The following RBFOX1 variants were observed in gnomAD, a reference collection of about 807,000 sequenced individuals.
RBFOX1 encodes the protein RNA binding protein fox-1 homolog 1.
In RBFOX1, 8 loss-of-function variants were observed where a neutral mutation model predicts 57.7. The ratio of observed to expected loss-of-function variants is 0.14; its 90% CI spans 0.08 to 0.25. The LOEUF is 0.25. Among genes scored for constraint, RBFOX1 ranks in the 10% least tolerant of loss-of-function variants. The probability of loss-of-function intolerance (pLI) is 1.00; values close to 1 mark genes in which losing one functional copy is unlikely to be tolerated. For missense variants in RBFOX1, 611 were observed against 548.5 expected, an observed-to-expected ratio of 1.11 and a Z score of -1.14; for synonymous variants, 326 against 222.4, an observed-to-expected ratio of 1.47 and a Z score of -4.15.
chr16:6,826,550 G>C (rs1038693366), intron 3 of RBFOX1, among the ~76,000 whole-genome samples: 1 of 151,944 alleles, frequency 6.6e-6, no homozygotes, highest in Non-Finnish European at 1.5e-5. Context: ...CCGGGCATAC[G>C]TGCTTGCGGG....
At chr16:7,527,595 C>A (rs979021627) in intron 5 of RBFOX1, among the ~76,000 whole-genome samples, 1 of 152,090 alleles carries the variant, frequency 6.6e-6, no homozygotes, top group Non-Finnish European at 1.5e-5. Flanking sequence ...AGGTACAGAG[C>A]TTGACATTTT....
At chr16:5,640,827 A>G (rs1264021279) in intron 3 of RBFOX1, among the ~76,000 whole-genome samples, 1 of 85,108 alleles carries the variant, frequency 1.2e-5, no homozygotes, top group African/African-American at 3.0e-5. Context: ...ATGGATACAC[A>G]TACATGCACA....
intron 4 of RBFOX1, among the ~76,000 whole-genome samples, chr16:7,426,544 G>C (rs1416913882): frequency 6.6e-6 from 1 of 152,194 alleles, no homozygotes; most frequent in South Asian, 2.1e-4. Flanking sequence ...AGGAAGGAGA[G>C]GGAGAAAGCA....
chr16:7,348,526 C>G (rs988840593), intron 4 of RBFOX1, among the ~76,000 whole-genome samples: 1 of 152,084 alleles, frequency 6.6e-6, no homozygotes, highest in Non-Finnish European at 1.5e-5. Flanking sequence ...CAGCCCATGG[C>G]AAGGTCGTAT....
At chr16:5,449,047 G>T (rs952793485) in intron 1 of RBFOX1, among the ~76,000 whole-genome samples, 3 of 152,260 alleles carry the variant, frequency 2.0e-5, no homozygotes, top group Non-Finnish European at 4.4e-5. Context: ...CTGCCCCAAA[G>T]ACTGGACACG....
At chr16:5,886,340 G>T (rs1188898096) in intron 4 of RBFOX1, among the ~76,000 whole-genome samples, 1 of 152,142 alleles carries the variant, frequency 6.6e-6, no homozygotes, top group African/African-American at 2.4e-5. Context: ...TAATACATGT[G>T]AAGTGCTTAG....
At chr16:6,921,384 C>G (rs976075536) in intron 3 of RBFOX1, among the ~76,000 whole-genome samples, 1 of 152,086 alleles carries the variant, frequency 6.6e-6, no homozygotes, top group African/African-American at 2.4e-5. Flanking sequence ...GATGGATATG[C>G]TTCGAAGATC....
chr16:7,518,684 CATTTTTTTGGAAAAAA>C (rs2076909759), intron 5 of RBFOX1, among the ~76,000 whole-genome samples: 1 of 151,592 alleles, frequency 6.6e-6, no homozygotes, highest in African/African-American at 2.4e-5. Flanking sequence ...AATGAAATCT[CATTTTTTTGGAAAAAA>C]AAAATTTGAT....
At chr16:6,957,522 G>A (rs537960117) in intron 3 of RBFOX1, among the ~76,000 whole-genome samples, 1 of 152,088 alleles carries the variant, frequency 6.6e-6, no homozygotes, top group African/African-American at 2.4e-5. Context: ...CACCGTGCTG[G>A]GGGGAGTGTA....
intron 4 of RBFOX1, among the ~76,000 whole-genome samples, chr16:7,437,814 G>A (rs1038809681): frequency 2.6e-5 from 4 of 151,872 alleles, no homozygotes; most frequent in African/African-American, 4.8e-5. Context: ...TAGATGTGCT[G>A]GTCGGCCCCT....
chr16:6,497,920 A>G (rs1164538973), intron 2 of RBFOX1, among the ~76,000 whole-genome samples: 2 of 152,052 alleles, frequency 1.3e-5, no homozygotes, highest in Non-Finnish European at 2.9e-5. Flanking sequence ...AATCATATTT[A>G]TAAATAAATT....
intron 2 of RBFOX1, among the ~76,000 whole-genome samples, chr16:6,319,932 T>A (rs2081566646): frequency 6.6e-6 from 1 of 152,234 alleles, no homozygotes; most frequent in African/African-American, 2.4e-5. Flanking sequence ...TTTTTATGTT[T>A]GTCTTTTTCT....
At chr16:6,965,078 T>C (rs115006479) in intron 3 of RBFOX1, among the ~76,000 whole-genome samples, 10,561 of 152,160 alleles carry the variant, frequency 0.069, 448 homozygotes, top group South Asian at 0.18. Context: ...GGCAGTGTTA[T>C]GTAGCTTCTT....
chr16:6,523,353 G>C (rs114720979), intron 2 of RBFOX1, among the ~76,000 whole-genome samples: 4 of 152,156 alleles, frequency 2.6e-5, no homozygotes, highest in African/African-American at 9.7e-5. Flanking sequence ...TAGATGGTTT[G>C]GTGTGGGGCT....
chr16:5,907,417 C>T (rs2058487597), intron 4 of RBFOX1, among the ~76,000 whole-genome samples: 1 of 152,078 alleles, frequency 6.6e-6, no homozygotes, highest in African/African-American at 2.4e-5. Context: ...TGCTTTTTTT[C>T]AGAGCACGTT....
intron 3 of RBFOX1, among the ~76,000 whole-genome samples, chr16:6,967,545 T>G (rs1010140197): frequency 2.0e-5 from 3 of 152,118 alleles, no homozygotes; most frequent in African/African-American, 7.2e-5. Context: ...TAGACTGACT[T>G]GCTTATGTGT....
intron 4 of RBFOX1, among the ~76,000 whole-genome samples, chr16:7,165,102 A>G (rs969983170): frequency 4.6e-5 from 7 of 152,134 alleles, no homozygotes; most frequent in Non-Finnish European, 8.8e-5. Flanking sequence ...CAAGGATGCA[A>G]TCCTGTCAGT....
intron 1 of RBFOX1, among the ~76,000 whole-genome samples, chr16:6,110,131 C>G (rs1408397152): frequency 1.3e-5 from 2 of 150,992 alleles, no homozygotes; most frequent in Non-Finnish European, 2.9e-5. Flanking sequence ...ATAAGTACAT[C>G]TATTTTGTGG....
chr16:6,593,521 G>C (rs562335187), intron 2 of RBFOX1, among the ~76,000 whole-genome samples: 18 of 152,224 alleles, frequency 1.2e-4, no homozygotes, highest in Admixed American at 1.0e-3. Context: ...GCTGACAATG[G>C]GATCCATCTA....
Sources: allele counts gnomAD v4.1 joint callset (sites outside exome capture counted in the v4.1 genomes callset), GRCh38; gene constraint gnomAD v4.1.1; transcripts MANE v1.5; gene names NCBI Gene and HGNC (gene_info 2026-07-23, HGNC 2026-07-21).